The following VPS13C variants were observed in gnomAD, a reference collection of about 807,000 sequenced individuals.
The protein encoded by VPS13C is vacuolar protein sorting 13 homolog C, also known as intermembrane lipid transfer protein VPS13C.
A neutral mutation model predicts 456.8 loss-of-function variants in VPS13C; 358 were observed. That is an observed-to-expected ratio of 0.78 (90% confidence interval 0.72 to 0.86). VPS13C has a LOEUF of 0.86. Ranked by LOEUF, VPS13C falls within the 40% of genes least tolerant of loss-of-function variation. The pLI is 0.00. For missense variants in VPS13C, 4,818 were observed against 4,385.4 expected (o/e 1.10, Z -2.79); for synonymous variants, 1,578 against 1,486.7 (o/e 1.06, Z -1.41).
chr15:61,874,507 ACATTGTTTATATAAACAG>A (rs1895269532), intron 77 of VPS13C, among the ~76,000 whole-genome samples: 1 of 152,100 alleles, frequency 6.6e-6, no homozygotes, highest in Non-Finnish European at 1.5e-5. Context: ...CAGAGAAGTT[ACATTGTTTATATAAACAG>A]CATTATCACA....
chr15:61,923,297 G>A (rs2043723239), intron 53 of VPS13C, among the ~76,000 whole-genome samples: 1 of 151,590 alleles, frequency 6.6e-6, no homozygotes. Flanking sequence ...CTTACCCCAA[G>A]ATCTATAAAT....
intron 18 of VPS13C, among the ~76,000 whole-genome samples, chr15:61,990,382 T>G (rs886182783): frequency 6.6e-6 from 1 of 152,166 alleles, no homozygotes; most frequent in Non-Finnish European, 1.5e-5. Flanking sequence ...CATTTTGGTT[T>G]TGCTTACTTT....
chr15:61,939,442 C>G (rs1041916420), intron 47 of VPS13C, among the ~76,000 whole-genome samples: 31 of 152,342 alleles, frequency 2.0e-4, no homozygotes, highest in Admixed American at 1.3e-4. Context: ...TAGTAAAACT[C>G]TGCTCCTTTG....
intron 24 of VPS13C, among the ~76,000 whole-genome samples, chr15:61,975,428 C>T (rs995266605): frequency 3.3e-5 from 5 of 151,928 alleles, no homozygotes; most frequent in African/African-American, 1.2e-4. Context: ...AACATCAGGA[C>T]TAAAAGAAAT....
intron 9 of VPS13C, among the ~76,000 whole-genome samples, chr15:62,018,806 T>A (rs1420792594): frequency 6.6e-6 from 1 of 152,184 alleles, no homozygotes; most frequent in Non-Finnish European, 1.5e-5. Flanking sequence ...ACTCATAAAA[T>A]GAGTTAGGGA....
chr15:61,947,309 A>G lies in VPS13C; in HGVS notation c.4760T>C (p.Val1587Ala). ...ATCCTTTTGGGAAATGTTGCTGGAT[A>G]CTAAAAAATAATAGAAACCTTCTGA... ...GESRSIAVKA[V>A]SSNISQKDVF... Residue 1587 changes from valine (V) to alanine (A), a missense_variant and splice_region_variant, in exon 43 of 85, where the codon GTA becomes GCA. Coordinates refer to ENST00000644861, the MANE Select transcript of VPS13C (RefSeq NM_020821.3). The G allele has an allele frequency of 3.7e-6, 6 of 1,602,126 alleles. No homozygotes were observed. Among genetic ancestry groups the G allele is most frequent in the Non-Finnish European group, 5.1e-6 (6 of 1,173,094 alleles).
At chr15:61,868,502 A>C (rs1353865258) in intron 81 of VPS13C, among the ~76,000 whole-genome samples, 157 bp downstream of exon 81, 1 of 152,222 alleles carries the variant, frequency 6.6e-6, no homozygotes, top group Non-Finnish European at 1.5e-5. Context: ...CATTTAACAC[A>C]TGCTAAAATG....
intron 48 of VPS13C, among the ~76,000 whole-genome samples, chr15:61,935,100 G>A (rs1053910486): frequency 2.0e-5 from 3 of 152,078 alleles, no homozygotes; most frequent in African/African-American, 7.2e-5. Flanking sequence ...TTTATCAGAA[G>A]AACAGAATAT....
At chr15:61,975,764 A>G (rs1206883264) in intron 24 of VPS13C, among the ~76,000 whole-genome samples, 2 of 152,090 alleles carry the variant, frequency 1.3e-5, no homozygotes, top group Non-Finnish European at 2.9e-5. Context: ...GGCCAACATC[A>G]TTATCCTGAT....
At chr15:61,893,653 T>G (rs2042717879) in intron 66 of VPS13C, among the ~76,000 whole-genome samples, 1 of 150,068 alleles carries the variant, frequency 6.7e-6, no homozygotes, top group African/African-American at 2.5e-5. Flanking sequence ...AAGACAAATC[T>G]ATCAAAAATA....
At chr15:62,037,525 A>AATTTATT (rs1374648932) in intron 3 of VPS13C, among the ~76,000 whole-genome samples, 45 of 142,700 alleles carry the variant, frequency 3.2e-4, no homozygotes, top group Admixed American at 4.4e-4. Flanking sequence ...GAATATAATA[A>AATTTATT]ATAATGCAAA....
Position 61,881,652 on chromosome 15 carries a change from C to T in VPS13C, c.9707-20G>A, listed in dbSNP as rs1895859077. ...TGGGCTCTAAGAGGAAGAAGTAACA[C>T]ATAAAAAAAAATAATGCTTTATACT... On this transcript the variant is annotated intron_variant, in intron 70 of 84. Transcript: ENST00000644861. 2 of 1,607,278 alleles carry T rather than the reference C, an allele frequency of 1.2e-6. No individual in the cohort carries two copies. Among genetic ancestry groups the T allele is most frequent in the South Asian group, 2.2e-5 (2 of 89,728 alleles).
chr15:62,035,060 A>C lies in VPS13C; in HGVS notation c.188-8T>G. ...TCTTCAAAGTTAATTTATCTAAGGAAACATAATTTCAACCTTAAATTATTA... is the reference window on the plus strand; with the variant it reads ...TCTTCAAAGTTAATTTATCTAAGGACACATAATTTCAACCTTAAATTATTA... On this transcript the variant is annotated splice_region_variant and splice_polypyrimidine_tract_variant and intron_variant, in intron 3 of 84. Transcript: ENST00000644861. The C allele has an allele frequency of 1.9e-6, 3 of 1,587,588 alleles. No individual in the cohort carries two copies. Among genetic ancestry groups the C allele is most frequent in the Non-Finnish European group, 2.6e-6 (3 of 1,161,360 alleles).
At chr15:62,011,466 A>C (rs75336057) in intron 12 of VPS13C, among the ~76,000 whole-genome samples, 1,831 of 152,184 alleles carry the variant, frequency 0.012, 40 homozygotes, top group African/African-American at 0.042. Context: ...AATTAGTTAT[A>C]AAAGAACACG....
At chr15:61,871,117 T>C (rs1340567219) in intron 79 of VPS13C, among the ~76,000 whole-genome samples, 1 of 152,148 alleles carries the variant, frequency 6.6e-6, no homozygotes, top group East Asian at 1.9e-4. Context: ...TTGATGAAGT[T>C]CAATTTATGT....
chr15:61,952,449 G>C (rs1458566847), intron 38 of VPS13C, among the ~76,000 whole-genome samples: 1 of 152,058 alleles, frequency 6.6e-6, no homozygotes, highest in Non-Finnish European at 1.5e-5. Context: ...TAAGGGAGGA[G>C]AACAATCATA....
chr15:62,012,255 C>T (rs1466562018), intron 11 of VPS13C, 91 bp from the exon 12 acceptor site: 14 of 530,072 alleles, frequency 2.6e-5, no homozygotes, highest in Admixed American at 4.1e-5. Context: ...CACACACACA[C>T]ACAAAGCTTG....
At chr15:61,889,383 G>T (rs910649538) in intron 67 of VPS13C, among the ~76,000 whole-genome samples, 4 of 151,748 alleles carry the variant, frequency 2.6e-5, no homozygotes, top group African/African-American at 9.7e-5. Flanking sequence ...AGTTTCTCAG[G>T]TGTTGTGCAA....
intron 20 of VPS13C, among the ~76,000 whole-genome samples, chr15:61,983,061 T>C (rs2140391436): frequency 6.6e-6 from 1 of 152,328 alleles, no homozygotes; most frequent in Non-Finnish European, 1.5e-5. Flanking sequence ...TACTTAACAC[T>C]ACTGAACTAT....
Sources: gnomAD v4.1 joint callset for allele counts (sites outside exome capture counted in the v4.1 genomes callset) on GRCh38, gnomAD v4.1.1 for gene constraint, MANE v1.5 for transcripts, NCBI Gene and HGNC (gene_info 2026-07-23, HGNC 2026-07-21) for gene names.